Variants in MIPEP observed in about 807,000 individuals in gnomAD.
MIPEP encodes the protein mitochondrial intermediate peptidase.
A neutral mutation model predicts 90.3 loss-of-function variants in MIPEP; 79 were observed. The ratio of observed to expected loss-of-function variants is 0.87; its 90% CI spans 0.73 to 1.05. The LOEUF (loss-of-function observed/expected upper bound fraction) is 1.05. MIPEP is among the 50% of genes least tolerant of loss of function. The pLI, the probability that MIPEP is intolerant of heterozygous loss-of-function variation, is 0.00. For synonymous variants in MIPEP, 334 were observed against 315.8 expected, an observed-to-expected ratio of 1.06 and a Z score of -0.61; for missense variants, 940 against 905.6, an observed-to-expected ratio of 1.04 and a Z score of -0.49.
chr13:23,783,367 C>T (rs1202087574), intron 16 of MIPEP, among the ~76,000 whole-genome samples: 4 of 152,128 alleles, frequency 2.6e-5, no homozygotes, highest in African/African-American at 9.7e-5. Context: ...ATTATCTCAA[C>T]AGATGCAGAA....
chr13:23,814,468 A>C (rs1420057064), intron 14 of MIPEP, among the ~76,000 whole-genome samples: 2 of 151,966 alleles, frequency 1.3e-5, no homozygotes, highest in Non-Finnish European at 2.9e-5. Context: ...TCACTGTATT[A>C]ACCAGGATGG....
chr13:23,738,164 A>T (rs1167521249), intron 18 of MIPEP, among the ~76,000 whole-genome samples: 1 of 152,214 alleles, frequency 6.6e-6, no homozygotes, highest in African/African-American at 2.4e-5. Context: ...AACAACCCCA[A>T]AAAAGAAAAA....
intron 16 of MIPEP, among the ~76,000 whole-genome samples, chr13:23,791,622 T>C (rs1040551941): frequency 2.6e-5 from 4 of 152,212 alleles, no homozygotes; most frequent in African/African-American, 9.7e-5. Context: ...CTCCCCTGCA[T>C]CACTGGCTTT....
chr13:23,888,045 T>TC (rs1871587861), intron 1 of MIPEP: 3 of 413,092 alleles, frequency 7.3e-6, no homozygotes, highest in Non-Finnish European at 1.4e-5. Flanking sequence ...TTTTTTTTTT[T>TC]CAAGGCAAAA....
In MIPEP at chr13:23,837,633, T is replaced by C. The variant is rs7333040; in HGVS notation, c.1462A>G (p.Ser488Gly). ...TCATGGAAAAGATTTTCCATCATGC[T>C]AGGAGTTAGCAAAGTTGGAGAACTC... ...SRSSPTLLTPSMMENLFHEMG... is the reference protein window; with the variant it reads ...SRSSPTLLTPGMMENLFHEMG... Residue 488 changes from serine to glycine, a missense_variant, in exon 13 of 19, where the codon AGC becomes GGC. Coordinates refer to ENST00000382172, the MANE Select transcript of MIPEP (RefSeq NM_005932.4). 1,607,814 of 1,614,130 alleles carry C rather than the reference T, an allele frequency of 1. 800,870 individuals carry two copies. The highest frequency in any genetic ancestry group is 1 in the East Asian group (44,876 of 44,876).
At chr13:23,857,753 G>T (rs2137494447) in intron 10 of MIPEP, among the ~76,000 whole-genome samples, 1 of 152,238 alleles carries the variant, frequency 6.6e-6, no homozygotes, top group East Asian at 1.9e-4. Flanking sequence ...AACACTAATT[G>T]ATCTTAGGCT....
chr13:23,799,000 G>GTTTTTTT (rs765292524), intron 16 of MIPEP, among the ~76,000 whole-genome samples: 47 of 88,896 alleles, frequency 5.3e-4, no homozygotes, highest in South Asian at 8.3e-4. Context: ...AATTTTTTTG[G>GTTTTTTT]TTTTTTTTTT....
At chr13:23,756,728 C>A in intron 17 of MIPEP, 110 bp from the exon 18 acceptor site, 3 of 1,028,230 alleles carry the variant, frequency 2.9e-6, no homozygotes, top group Non-Finnish European at 4.3e-6. Context: ...AAAGCTGCCA[C>A]CATGTGACAA....
intron 16 of MIPEP, among the ~76,000 whole-genome samples, chr13:23,782,669 T>C (rs1952793337): frequency 6.6e-6 from 1 of 152,118 alleles, no homozygotes; most frequent in African/African-American, 2.4e-5. Flanking sequence ...ATCCAGGAGC[T>C]GGTTTTTTGA....
Position 23,760,143 on chromosome 13 carries a change from G to A in MIPEP, c.1923C>T (p.Val641=), listed in dbSNP as rs779977642. The part of the protein sequence containing the change: ...RYYSYLMSRA[V]ASMVWKECFL... ...AACACTCCTTCCAAACCATGGAGGCGACCGCTCTGGACATGAGGTAAGAGT... is the reference window on the plus strand; with the variant it reads ...AACACTCCTTCCAAACCATGGAGGCAACCGCTCTGGACATGAGGTAAGAGT... The change falls in exon 17 of 19, where the codon GTC becomes GTT. Residue 641 remains valine, a synonymous_variant. Coordinates refer to ENST00000382172, the MANE Select transcript of MIPEP (RefSeq NM_005932.4). 5.6e-6 allele frequency: 9 copies of A among 1,614,010 alleles called. No individual in the cohort carries two copies. The highest frequency in any genetic ancestry group is 3.3e-5 in the Admixed American group (2 of 59,992).
At chr13:23,846,335 T>C (rs1393736710) in intron 10 of MIPEP, among the ~76,000 whole-genome samples, 1 of 152,172 alleles carries the variant, frequency 6.6e-6, no homozygotes, top group Non-Finnish European at 1.5e-5. Context: ...AGGAGAGACA[T>C]GACAAAATCC....
intron 18 of MIPEP, among the ~76,000 whole-genome samples, chr13:23,749,271 A>G (rs772104191): frequency 6.6e-6 from 1 of 152,172 alleles, no homozygotes; most frequent in Non-Finnish European, 1.5e-5. Context: ...TTGCTCCTCG[A>G]TTGTCGTGAT....
intron 2 of MIPEP, among the ~76,000 whole-genome samples, chr13:23,883,664 TG>T (rs1871353918): frequency 6.6e-6 from 1 of 152,232 alleles, no homozygotes; most frequent in Non-Finnish European, 1.5e-5. Context: ...ATGTTCAGTA[TG>T]AATGCAAATT....
intron 18 of MIPEP, among the ~76,000 whole-genome samples, chr13:23,741,026 C>G (rs1952321786): frequency 6.6e-6 from 1 of 152,224 alleles, no homozygotes; most frequent in Admixed American, 6.5e-5. Context: ...TAACACCAAT[C>G]AGGCATGGCC....
intron 16 of MIPEP, among the ~76,000 whole-genome samples, chr13:23,803,699 T>C (rs1309577665): frequency 6.6e-6 from 1 of 152,212 alleles, no homozygotes; most frequent in African/African-American, 2.4e-5. Flanking sequence ...TCTTAATTCC[T>C]ACAGCTTTAT....
chr13:23,793,875 G>A (rs1392464286), intron 16 of MIPEP, among the ~76,000 whole-genome samples: 1 of 152,002 alleles, frequency 6.6e-6, no homozygotes, highest in African/African-American at 2.4e-5. Flanking sequence ...GCTGTGTCCT[G>A]CTGGAGGAAG....
chr13:23,766,946 C>G (rs141104859), intron 16 of MIPEP, among the ~76,000 whole-genome samples: 338 of 152,340 alleles, frequency 2.2e-3, no homozygotes, highest in African/African-American at 8.0e-3. Context: ...CTAGCAAGCT[C>G]ACTCTAGAAC....
At chr13:23,805,427 A>G (rs1458338911) in intron 16 of MIPEP, among the ~76,000 whole-genome samples, 4 of 152,240 alleles carry the variant, frequency 2.6e-5, no homozygotes. Flanking sequence ...TTTGAGAGCT[A>G]AATTAGAGAT....
chr13:23,882,843 A>G lies in MIPEP; in HGVS notation c.364-1056T>C, dbSNP rs1189454022. Reference sequence around the variant, plus strand: ...TACCAAAGTACCTGAAAAATGAGTTATGTAAATTTACAACATTTTTTTTTT... The same window carrying G: ...TACCAAAGTACCTGAAAAATGAGTTGTGTAAATTTACAACATTTTTTTTTT... On this transcript the variant is annotated intron_variant, in intron 2 of 18. Coordinates refer to ENST00000382172, the MANE Select transcript of MIPEP (RefSeq NM_005932.4). Among the ~76,000 whole-genome samples the G allele has an allele frequency of 7.2e-5, 11 of 152,280 alleles. No individual in the cohort carries two copies. The East Asian group carries it at 2.1e-3, about 29-fold the overall frequency.
Sources: allele counts gnomAD v4.1 joint callset (sites outside exome capture counted in the v4.1 genomes callset), GRCh38; gene constraint gnomAD v4.1.1; transcripts MANE v1.5; gene names NCBI Gene and HGNC (gene_info 2026-07-23, HGNC 2026-07-21).